The following DIP2C variants were observed in gnomAD, a reference collection of about 807,000 sequenced individuals.
DIP2C encodes the protein disco-interacting protein 2 homolog C.
DIP2C carries 33 observed loss-of-function variants against 192.4 expected under a neutral mutation model. That is an observed-to-expected ratio of 0.17 (90% CI 0.13 to 0.23). The LOEUF is 0.23. Ranked by LOEUF, DIP2C falls within the 10% of genes least tolerant of loss-of-function variation. DIP2C has a pLI of 1.00. For missense variants in DIP2C, 1,537 were observed against 2,110.1 expected (o/e 0.73, Z 5.32); for synonymous variants, 979 against 864.1 (o/e 1.13, Z -2.33).
rs1459416924 is a variant in DIP2C, at chr10:363,651, G to T, written c.2478-340C>A. On this transcript the variant is annotated intron_variant, in intron 20 of 36. Transcript: ENST00000280886. The surrounding 1 kb of genome is among the most constrained non-coding windows in gnomAD (Gnocchi z 5.4). ...TAGGGAGTCACACCCTTCACAGCTC[G>T]AGTTTGCACCCGTGAAGTTAACGGT... is the stretch of plus-strand genomic sequence containing the variant. Among the ~76,000 whole-genome samples, 2 of 152,176 alleles carry T rather than the reference G, an allele frequency of 1.3e-5. No individual in the cohort carries two copies. The highest frequency in any genetic ancestry group is 2.9e-5 in the Non-Finnish European group (2 of 68,042).
chr10:664,060 G>A (rs1024587861), intron 1 of DIP2C: 5 of 152,066 alleles, frequency 3.3e-5, no homozygotes, highest in African/African-American at 1.2e-4. Flanking sequence ...GGCCACACCA[G>A]AGGGTGGGAG....
At chr10:441,611 C>T (rs1451875759) in intron 3 of DIP2C, among the ~76,000 whole-genome samples, 1 of 152,172 alleles carries the variant, frequency 6.6e-6, no homozygotes, top group Non-Finnish European at 1.5e-5. Flanking sequence ...GAGGTTTCCG[C>T]TTTTGCTTCT....
chr10:408,864 T>C, intron 9 of DIP2C, 62 bp downstream of exon 9: 3 of 1,540,620 alleles, frequency 1.9e-6, no homozygotes, highest in Non-Finnish European at 2.7e-6. Context: ...GTTTAAACAG[T>C]GGGCACCTTT....
chr10:666,643 G>A lies in DIP2C; in HGVS notation c.85+22851C>T, dbSNP rs929664821. The A allele has an allele frequency of 9.7e-5, 3 of 30,882 alleles. 1 individual carries two copies. The highest frequency in any genetic ancestry group is 4.5e-4 in the Non-Finnish European group (3 of 6,716). 1.9% of individuals were successfully genotyped at this position (30,882 alleles called of 1,614,324 possible). On this transcript the variant is annotated intron_variant, in intron 1 of 36. Coordinates refer to ENST00000280886, the MANE Select transcript of DIP2C (RefSeq NM_014974.3). The surrounding 1 kb of genome is among the most constrained non-coding windows in gnomAD (Gnocchi z 4.1). Reference sequence around the variant, plus strand: ...TCTGCCCGTGGCCTGTCTGCCCGTGGCCTGTCTGCGCACAGCTATTAAAAG... The same window carrying A: ...TCTGCCCGTGGCCTGTCTGCCCGTGACCTGTCTGCGCACAGCTATTAAAAG...
At chr10:567,930 G>A (rs1006269401) in intron 1 of DIP2C, among the ~76,000 whole-genome samples, 11 of 152,192 alleles carry the variant, frequency 7.2e-5, no homozygotes, top group African/African-American at 2.2e-4. Flanking sequence ...GCGCCTGGCC[G>A]AGAAGTGTTT....
chr10:565,870 C>T (rs532658453), intron 1 of DIP2C, among the ~76,000 whole-genome samples: 2 of 152,346 alleles, frequency 1.3e-5, no homozygotes, highest in South Asian at 4.1e-4. Flanking sequence ...AAGGAAACCA[C>T]TGACCAGCAC....
chr10:478,873 G>C (rs1843377549), intron 2 of DIP2C, among the ~76,000 whole-genome samples: 1 of 152,178 alleles, frequency 6.6e-6, no homozygotes, highest in African/African-American at 2.4e-5. Flanking sequence ...GCTCACCTTA[G>C]CTCCCAGAGA....
At chr10:473,842 T>C (rs1394965030) in intron 2 of DIP2C, among the ~76,000 whole-genome samples, 1 of 152,142 alleles carries the variant, frequency 6.6e-6, no homozygotes, top group Non-Finnish European at 1.5e-5. Flanking sequence ...CTTATGAGAG[T>C]TGTAGAGTCT....
chr10:307,777 C>T (rs1175040888), intron 32 of DIP2C, among the ~76,000 whole-genome samples: 2 of 152,240 alleles, frequency 1.3e-5, no homozygotes, highest in Non-Finnish European at 2.9e-5. Flanking sequence ...GAAAGAGCGG[C>T]ACACGGTCCA....
intron 4 of DIP2C, among the ~76,000 whole-genome samples, chr10:431,140 T>C (rs189298323): frequency 1.3e-5 from 2 of 152,244 alleles, no homozygotes; most frequent in Admixed American, 6.5e-5. Context: ...AGTTGCATAG[T>C]GTCAGTCTTC....
intron 1 of DIP2C, among the ~76,000 whole-genome samples, chr10:490,142 G>A (rs1588281627): frequency 7.9e-6 from 1 of 126,432 alleles, no homozygotes; most frequent in African/African-American, 3.0e-5. Flanking sequence ...CCAGGGACAC[G>A]GTGGCTCTGA....
chr10:448,448 G>A (rs1161625901), intron 3 of DIP2C, among the ~76,000 whole-genome samples: 2 of 146,146 alleles, frequency 1.4e-5, no homozygotes, highest in Non-Finnish European at 3.0e-5. Context: ...TCACAGTGGG[G>A]CAGCAGGACC....
rs199686829 is a variant in DIP2C, at chr10:307,686, CAGAA to C, written c.3986+2341_3986+2344del. On this transcript the variant is annotated intron_variant, in intron 32 of 36. Transcript: ENST00000280886. ...AGAGAGAACATCGCGGAGAAAAAAA[CAGAA>C]AGGAATGAGAAGAGTGAGAGCAGCC... 2.0e-3 allele frequency among the ~76,000 whole-genome samples: 309 copies of C among 152,262 alleles called. 1 individual carries two copies. The East Asian group carries it at 0.029, about 14-fold the overall frequency.
intron 34 of DIP2C, among the ~76,000 whole-genome samples, chr10:285,758 G>C (rs140520495): frequency 1.3e-5 from 2 of 152,378 alleles, no homozygotes; most frequent in Non-Finnish European, 2.9e-5. Context: ...CACAGTGGCA[G>C]GGAGTTAAGA....
intron 6 of DIP2C, among the ~76,000 whole-genome samples, chr10:416,856 G>C (rs1965672886): frequency 6.6e-6 from 1 of 152,164 alleles, no homozygotes; most frequent in Non-Finnish European, 1.5e-5. Context: ...GGTCTCTGTA[G>C]GTGCAGCTGG....
chr10:601,641 G>A (rs1450198720), intron 1 of DIP2C, among the ~76,000 whole-genome samples: 1 of 152,212 alleles, frequency 6.6e-6, no homozygotes, highest in African/African-American at 2.4e-5. Context: ...AGGCAACAAA[G>A]TCTACCCCGT....
chr10:555,460 G>A (rs1271586994), intron 1 of DIP2C, among the ~76,000 whole-genome samples: 3 of 152,198 alleles, frequency 2.0e-5, no homozygotes, highest in Non-Finnish European at 2.9e-5. Context: ...ATCTCCCTGG[G>A]TGACCAGGCA....
Position 319,489 on chromosome 10 carries a change from TAGA to T in DIP2C, c.3924+7514_3924+7516del, listed in dbSNP as rs564147513. Reference sequence around the variant, plus strand: ...TCATGTTTTTCTTCCCTGCTTCTACTAGAAGGAGGATGCAATTTTTCTGTTACA... The same window carrying T: ...TCATGTTTTTCTTCCCTGCTTCTACTAGGAGGATGCAATTTTTCTGTTACA... On this transcript the variant is annotated intron_variant, in intron 31 of 36. Coordinates refer to ENST00000280886, the MANE Select transcript of DIP2C (RefSeq NM_014974.3). Among the ~76,000 whole-genome samples, 62 of 152,348 alleles carry T rather than the reference TAGA, an allele frequency of 4.1e-4. No individual in the cohort carries two copies. In the South Asian group the frequency reaches 5.2e-3, roughly 13 times the overall value.
At chr10:453,601 G>A (rs1329875437) in intron 3 of DIP2C, among the ~76,000 whole-genome samples, 2 of 152,162 alleles carry the variant, frequency 1.3e-5, no homozygotes, top group Admixed American at 6.5e-5. Context: ...AGGAAGTGAC[G>A]GCTTAAAATT....
Sources: gnomAD v4.1 joint callset for allele counts (sites outside exome capture counted in the v4.1 genomes callset) on GRCh38, gnomAD v4.1.1 for gene constraint, Gnocchi (gnomAD v3.1) non-coding constraint, MANE v1.5 for transcripts, NCBI Gene and HGNC (gene_info 2026-07-23, HGNC 2026-07-21) for gene names.